Variants in ADCYAP1R1 observed in about 807,000 individuals in gnomAD.
ADCYAP1R1 encodes pituitary adenylate cyclase-activating polypeptide type I receptor.
A neutral mutation model predicts 67.6 loss-of-function variants in ADCYAP1R1; 44 were observed. The observed-to-expected ratio is 0.65, with a 90% CI of 0.51 to 0.84. The LOEUF (loss-of-function observed/expected upper bound fraction) is 0.84, where lower values mean the gene tolerates loss of function less well. Ranked by LOEUF, ADCYAP1R1 falls within the 40% of genes least tolerant of loss-of-function variation. The probability of loss-of-function intolerance (pLI) is 0.00; values close to 1 mark genes in which losing one functional copy is unlikely to be tolerated. For missense variants in ADCYAP1R1, 477 were observed against 587.9 expected (o/e 0.81, Z 1.95); for synonymous variants, 222 against 219.6 (o/e 1.01, Z -0.10).
chr7:31,087,218 C>A (rs1451335872), intron 11 of ADCYAP1R1, among the ~76,000 whole-genome samples: 1 of 152,202 alleles, frequency 6.6e-6, no homozygotes, highest in Non-Finnish European at 1.5e-5. Context: ...AGAGAATGTG[C>A]TAGGTGTCTG....
intron 13 of ADCYAP1R1, among the ~76,000 whole-genome samples, chr7:31,096,257 A>G (rs940212046): frequency 1.3e-5 from 2 of 152,090 alleles, no homozygotes; most frequent in Non-Finnish European, 2.9e-5. Flanking sequence ...GGGAAAACCC[A>G]TTTGTACTCC....
Position 31,110,253 on chromosome 7 carries a change from G to A in ADCYAP1R1, c.*3569G>A, listed in dbSNP as rs1796810837. ...TATTATCATAAAGTATTAATACTTT[G>A]TCATAAAGTCCTCCTTGAGCCCAGG... On this transcript the variant is annotated 3_prime_UTR_variant, in exon 16 of 16. Transcript: ENST00000304166. The A allele has an allele frequency of 6.7e-6, 1 of 149,016 alleles. No individual in the cohort carries two copies. Among genetic ancestry groups the A allele is most frequent in the Non-Finnish European group, 1.5e-5 (1 of 67,642 alleles). The allele number at this position is 149,016 out of a possible 1,614,324, so 9.2% of individuals were successfully genotyped here.
intron 13 of ADCYAP1R1, chr7:31,100,111 A>C (rs1796377764): frequency 6.5e-7 from 1 of 1,550,038 alleles, no homozygotes; most frequent in African/African-American, 1.4e-5. Context: ...AGAAGTGCTA[A>C]TCTTGTCACA....
intron 3 of ADCYAP1R1, among the ~76,000 whole-genome samples, chr7:31,076,230 G>T (rs926550380): frequency 7.9e-5 from 12 of 152,236 alleles, no homozygotes; most frequent in Non-Finnish European, 1.6e-4. Flanking sequence ...GGTCAGGGCC[G>T]CTGGGCGGGA....
In ADCYAP1R1 at chr7:31,107,970, C is replaced by A. The variant is rs1436817957; in HGVS notation, c.*1286C>A. 6.6e-6 allele frequency: 1 copy of A among 152,292 alleles called. No homozygotes were observed. The highest frequency in any genetic ancestry group is 1.5e-5 in the Non-Finnish European group (1 of 68,116). The allele number at this position is 152,292 out of a possible 1,614,324, so 9.4% of individuals were successfully genotyped here. On this transcript the variant is annotated 3_prime_UTR_variant, in exon 16 of 16. Transcript: ENST00000304166. ...TGGCTCCCCAGCTGCAGGTTGCACA[C>A]CCTCAGCCTGAGAATGTAAAATAGG...
At chr7:31,053,901 G>A (rs1271027530) in intron 1 of ADCYAP1R1, among the ~76,000 whole-genome samples, 2 of 152,178 alleles carry the variant, frequency 1.3e-5, no homozygotes, top group Non-Finnish European at 2.9e-5. Flanking sequence ...AGCTTTGAGT[G>A]GCGGTAGGAT....
intron 13 of ADCYAP1R1, chr7:31,100,222 T>A: frequency 2.6e-6 from 4 of 1,550,254 alleles, no homozygotes; most frequent in Non-Finnish European, 2.6e-6. Context: ...TAAGTGTGCG[T>A]GGCCGAGGCT....
At chr7:31,085,203 A>C in intron 8 of ADCYAP1R1, 107 bp from the exon 9 acceptor site, 1 of 1,462,334 alleles carries the variant, frequency 6.8e-7, no homozygotes, top group Non-Finnish European at 9.2e-7. Flanking sequence ...TGGGTGGGAG[A>C]CCTGCTGAGA....
At chr7:31,065,601 T>G (rs1794703322) in intron 3 of ADCYAP1R1, among the ~76,000 whole-genome samples, 1 of 152,212 alleles carries the variant, frequency 6.6e-6, no homozygotes, top group African/African-American at 2.4e-5. Flanking sequence ...GCACGATCCC[T>G]GGTAAGAACC....
intron 1 of ADCYAP1R1, among the ~76,000 whole-genome samples, chr7:31,060,544 A>G (rs1489981252): frequency 6.6e-6 from 1 of 151,642 alleles, no homozygotes; most frequent in African/African-American, 2.4e-5. Context: ...CCCTGAAGGA[A>G]TCTCCACCTT....
chr7:31,095,966 TTA>T (rs1458251162), intron 13 of ADCYAP1R1, among the ~76,000 whole-genome samples: 1 of 152,140 alleles, frequency 6.6e-6, no homozygotes, highest in Non-Finnish European at 1.5e-5. Flanking sequence ...GGGTCAGGGC[TTA>T]GCATGTGCTC....
chr7:31,072,794 A>T (rs1427285215), intron 3 of ADCYAP1R1, among the ~76,000 whole-genome samples: 1 of 152,274 alleles, frequency 6.6e-6, no homozygotes, highest in Non-Finnish European at 1.5e-5. Flanking sequence ...AGAGGGAATT[A>T]AGGATCTTGA....
At chr7:31,092,072 T>C (rs1343234599) in intron 12 of ADCYAP1R1, among the ~76,000 whole-genome samples, 2 of 148,302 alleles carry the variant, frequency 1.3e-5, no homozygotes, top group African/African-American at 5.0e-5. Flanking sequence ...TCCTGTGGAG[T>C]CCTGTCATTG....
chr7:31,107,431 G>A lies in ADCYAP1R1; in HGVS notation c.*747G>A, dbSNP rs977968652. The A allele has an allele frequency of 6.6e-6, 1 of 152,256 alleles. No individual in the cohort carries two copies. Among genetic ancestry groups the A allele is most frequent in the Non-Finnish European group, 1.5e-5 (1 of 68,082 alleles). 9.4% of individuals were successfully genotyped at this position (152,256 alleles called of 1,614,324 possible). A position where few individuals can be genotyped will look rare whatever the true frequency, so the allele number is the denominator to read the frequency against. ...AGCTGAGAGCCAGAAATGTGGCTGT[G>A]ATTGCGAAAGAGACGGAGTTTGGGA... is the stretch of plus-strand genomic sequence containing the variant. On this transcript the variant is annotated 3_prime_UTR_variant, in exon 16 of 16. Transcript: ENST00000304166.
rs1796480220 is a variant in ADCYAP1R1, at chr7:31,102,520, G to A, written c.1047-717G>A. On this transcript the variant is annotated intron_variant, in intron 13 of 15. Coordinates refer to ENST00000304166, the MANE Select transcript of ADCYAP1R1 (RefSeq NM_001118.5). The surrounding 1 kb of genome is among the most constrained non-coding windows in gnomAD (Gnocchi z 4.3). ...GCCAGAGGCAGGCAGGGGAACTCCA[G>A]GAGAGCTGCCTCAGGAAGCACTGCA... Among the ~76,000 whole-genome samples the A allele has an allele frequency of 6.6e-6, 1 of 152,202 alleles. No homozygotes were observed. The highest frequency in any genetic ancestry group is 2.4e-5 in the African/African-American group (1 of 41,460).
chr7:31,064,743 C>T (rs141914002), intron 2 of ADCYAP1R1, 88 bp from the exon 3 acceptor site: 6 of 1,100,616 alleles, frequency 5.5e-6, no homozygotes, highest in Admixed American at 2.0e-5. Context: ...CCCACTCCCC[C>T]CAAGACACTG....
chr7:31,106,443 G>A, intron 15 of ADCYAP1R1, 53 bp from the exon 16 acceptor site: 1 of 1,556,696 alleles, frequency 6.4e-7, no homozygotes, highest in Non-Finnish European at 8.7e-7. Context: ...ACAGGGCCTG[G>A]AGGCTGCAGA....
intron 14 of ADCYAP1R1, among the ~76,000 whole-genome samples, chr7:31,104,020 C>A (rs1796542413): frequency 6.6e-6 from 1 of 152,222 alleles, no homozygotes; most frequent in South Asian, 2.1e-4. Context: ...AGTATTTGAT[C>A]TTGATGGTCA....
chr7:31,096,772 C>T (rs1796212583), intron 13 of ADCYAP1R1, among the ~76,000 whole-genome samples: 1 of 152,062 alleles, frequency 6.6e-6, no homozygotes, highest in South Asian at 2.1e-4. Context: ...GGGCAGGGCT[C>T]CGGGGGTGCA....
Sources: gnomAD v4.1 joint callset for allele counts (sites outside exome capture counted in the v4.1 genomes callset) on GRCh38, gnomAD v4.1.1 for gene constraint, Gnocchi (gnomAD v3.1) non-coding constraint, MANE v1.5 for transcripts, NCBI Gene and HGNC (gene_info 2026-07-23, HGNC 2026-07-21) for gene names.